The following INSYN2B variants were observed in gnomAD, a reference collection of about 807,000 sequenced individuals.
INSYN2B encodes protein INSYN2B.
In INSYN2B, 16 loss-of-function variants were observed where a neutral mutation model predicts 41.2. That is an observed-to-expected ratio of 0.39 (90% confidence interval 0.26 to 0.59). INSYN2B has a LOEUF of 0.59. Ranked by LOEUF, INSYN2B falls within the 20% of genes least tolerant of loss-of-function variation. The pLI is 0.57. For missense variants in INSYN2B, 608 were observed against 646.4 expected (o/e 0.94, Z 0.64); for synonymous variants, 245 against 244.4 (o/e 1.00, Z -0.02).
intron 1 of INSYN2B, among the ~76,000 whole-genome samples, chr5:169,927,650 T>C (rs542179241): frequency 3.9e-5 from 6 of 152,366 alleles, no homozygotes; most frequent in South Asian, 4.1e-4. Context: ...GGAGTCTCGC[T>C]CTGTCGCCCA....
rs78724114 is a variant in INSYN2B, at chr5:169,941,802, T to C, written c.-919+38475A>G. On this transcript the variant is annotated intron_variant, in intron 1 of 3. Coordinates refer to ENST00000377365, the MANE Select transcript of INSYN2B (RefSeq NM_001129891.3). ...CACACGCTTTCTTGCATTGCAGGGA[T>C]GGGACAGGGGCATTCCCCTCCAGAA... Among the ~76,000 whole-genome samples, 1,206 of 152,282 alleles carry C rather than the reference T, an allele frequency of 7.9e-3. 60 individuals are homozygous for C. In the East Asian group the frequency reaches 0.13, roughly 17 times the overall value.
intron 1 of INSYN2B, among the ~76,000 whole-genome samples, chr5:169,912,298 C>A (rs927300890): frequency 1.3e-5 from 2 of 151,944 alleles, no homozygotes; most frequent in African/African-American, 4.8e-5. Flanking sequence ...GAGCCCAAGC[C>A]GTTATTTATG....
At chr5:169,930,510 C>A (rs1335052441) in intron 1 of INSYN2B, among the ~76,000 whole-genome samples, 6 of 152,122 alleles carry the variant, frequency 3.9e-5, no homozygotes, top group African/African-American at 1.4e-4. Flanking sequence ...GAGTAAAAAT[C>A]TGCCTGGAAT....
At chr5:169,899,509 AAT>A (rs1773799513) in intron 1 of INSYN2B, among the ~76,000 whole-genome samples, 1 of 152,188 alleles carries the variant, frequency 6.6e-6, no homozygotes, top group Non-Finnish European at 1.5e-5. Flanking sequence ...GCTTGCCTCA[AAT>A]GGACTTGAGG....
At chr5:169,872,942 G>T (rs1375178820) in intron 3 of INSYN2B, among the ~76,000 whole-genome samples, 3 of 152,336 alleles carry the variant, frequency 2.0e-5, no homozygotes, top group South Asian at 4.1e-4. Flanking sequence ...TGGGCAAAAT[G>T]CCTAGTGCAG....
intron 1 of INSYN2B, among the ~76,000 whole-genome samples, chr5:169,902,947 A>G (rs1196385550): frequency 6.6e-6 from 1 of 151,984 alleles, no homozygotes; most frequent in Non-Finnish European, 1.5e-5. Context: ...AAAATACAAA[A>G]ATTAGCTGGG....
chr5:169,901,241 A>ACCTTT (rs1773906054), intron 1 of INSYN2B, among the ~76,000 whole-genome samples: 1 of 152,198 alleles, frequency 6.6e-6, no homozygotes, highest in Admixed American at 6.5e-5. Flanking sequence ...CTCTGATGCA[A>ACCTTT]GAAAGGTATT....
intron 1 of INSYN2B, among the ~76,000 whole-genome samples, chr5:169,914,502 C>T (rs1268792911): frequency 6.6e-6 from 1 of 152,194 alleles, no homozygotes; most frequent in Non-Finnish European, 1.5e-5. Context: ...GAACTCTGAA[C>T]TTGGATTCAA....
Position 169,939,837 on chromosome 5 carries a change from G to A in INSYN2B, c.-919+40440C>T, listed in dbSNP as rs74782213. ...TCAACCTAGAGTTAGCTCCTTCTCT[G>A]TGTCAGGCACTGAATAAGGTACTTT... On this transcript the variant is annotated intron_variant, in intron 1 of 3. Transcript: ENST00000377365. 7.9e-3 allele frequency among the ~76,000 whole-genome samples: 1,204 copies of A among 152,318 alleles called. 56 individuals are homozygous for A. The East Asian group carries it at 0.13, about 17-fold the overall frequency.
chr5:169,873,185 CCTA>C (rs1321802608), intron 3 of INSYN2B, among the ~76,000 whole-genome samples: 2 of 152,148 alleles, frequency 1.3e-5, no homozygotes, highest in Non-Finnish European at 2.9e-5. Flanking sequence ...TGCTGTAAAT[CCTA>C]CTTCTTTTCC....
intron 3 of INSYN2B, among the ~76,000 whole-genome samples, chr5:169,873,107 T>C (rs1420028374): frequency 6.6e-6 from 1 of 152,358 alleles, no homozygotes; most frequent in African/African-American, 2.4e-5. Flanking sequence ...ATTTATGGCA[T>C]GTGTCAGCCT....
chr5:169,863,775 T>TA lies in INSYN2B; in HGVS notation c.*497dup, dbSNP rs1771356167. ...ATGCCCTGCCCACTTCTCTTGTGCT[T>TA]ATTATGTATGCTGATATCTTAGAAA... On this transcript the variant is annotated 3_prime_UTR_variant, in exon 4 of 4. Transcript: ENST00000377365. Among the ~76,000 whole-genome samples, 1 of 152,228 alleles carries TA rather than the reference T, an allele frequency of 6.6e-6. No homozygotes were observed. The highest frequency in any genetic ancestry group is 1.5e-5 in the Non-Finnish European group (1 of 68,040).
intron 1 of INSYN2B, among the ~76,000 whole-genome samples, chr5:169,914,416 G>C (rs1203333776): frequency 6.6e-6 from 1 of 152,162 alleles, no homozygotes; most frequent in Admixed American, 6.5e-5. Context: ...TGCTCTTGGG[G>C]AATATCCGTG....
At chr5:169,904,349 G>A (rs912400301) in intron 1 of INSYN2B, among the ~76,000 whole-genome samples, 1 of 152,164 alleles carries the variant, frequency 6.6e-6, no homozygotes. Flanking sequence ...GAGTAGCTGA[G>A]ATGTGTTGTA....
Position 169,979,406 on chromosome 5 carries a change from T to C in INSYN2B, c.-919+871A>G, listed in dbSNP as rs563641370. ...ACACAAATGCCATTTTTGAGGAAAC[T>C]ACTGAAAAAGAGACACACATCAGAG... On this transcript the variant is annotated intron_variant, in intron 1 of 3. Coordinates refer to ENST00000377365, the MANE Select transcript of INSYN2B (RefSeq NM_001129891.3). Among the ~76,000 whole-genome samples the C allele has an allele frequency of 3.3e-5, 5 of 152,324 alleles. No homozygotes were observed. The East Asian group carries it at 9.6e-4, about 29-fold the overall frequency.
At chr5:169,967,916 A>T (rs1379534667) in intron 1 of INSYN2B, among the ~76,000 whole-genome samples, 1 of 152,152 alleles carries the variant, frequency 6.6e-6, no homozygotes, top group African/African-American at 2.4e-5. Context: ...CTATGGCTGG[A>T]TTACTGTCCT....
At chr5:169,906,146 A>T (rs2113602185) in intron 1 of INSYN2B, among the ~76,000 whole-genome samples, 1 of 152,306 alleles carries the variant, frequency 6.6e-6, no homozygotes, top group East Asian at 1.9e-4. Flanking sequence ...TCGTGCAGTA[A>T]ATCCTCAATG....
chr5:169,972,226 A>G (rs1240829615), intron 1 of INSYN2B, among the ~76,000 whole-genome samples: 2 of 152,146 alleles, frequency 1.3e-5, no homozygotes, highest in Non-Finnish European at 2.9e-5. Context: ...TTCTACCCTC[A>G]TAGATTGTTC....
At chr5:169,891,599 A>G (rs1231896436) in intron 1 of INSYN2B, among the ~76,000 whole-genome samples, 1 of 152,128 alleles carries the variant, frequency 6.6e-6, no homozygotes, top group African/African-American at 2.4e-5. Context: ...GACTCAAAGC[A>G]AACCTAAAAA....
Sources: allele counts gnomAD v4.1 joint callset (sites outside exome capture counted in the v4.1 genomes callset), GRCh38; gene constraint gnomAD v4.1.1; transcripts MANE v1.5; gene names NCBI Gene and HGNC (gene_info 2026-07-23, HGNC 2026-07-21).